The following FGF1 variants were observed in gnomAD, a reference collection of about 807,000 sequenced individuals.
The protein encoded by FGF1 is beta-endothelial cell growth factor.
Under a neutral mutation model 13.4 loss-of-function variants are expected in FGF1, and 9 were observed. The ratio of observed to expected loss-of-function variants is 0.67; its 90% CI spans 0.40 to 1.17. The LOEUF (loss-of-function observed/expected upper bound fraction) is 1.17. Ranked by LOEUF, FGF1 falls within the 50% of genes most tolerant of loss-of-function variation. FGF1 has a pLI of 0.01. For synonymous variants in FGF1, 93 were observed against 79.0 expected (o/e 1.18, Z -0.94); for missense variants, 156 against 192.7 (o/e 0.81, Z 1.13).
chr5:142,689,773 C>T (rs1008676729), upstream of FGF1, among the ~76,000 whole-genome samples: 1 of 145,658 alleles, frequency 6.9e-6, no homozygotes, highest in Admixed American at 7.0e-5. Flanking sequence ...GATCTCGGCT[C>T]ATGGAAGCTC....
chr5:142,629,841 A>T (rs1397381321), intron 1 of FGF1, among the ~76,000 whole-genome samples: 1 of 147,962 alleles, frequency 6.8e-6, no homozygotes, highest in Admixed American at 6.8e-5. Context: ...TTTGAAAAAT[A>T]CTGCATTAAA....
At chr5:142,686,915 T>A (rs1325039923), upstream of FGF1, among the ~76,000 whole-genome samples, 1 of 152,162 alleles carries the variant, frequency 6.6e-6, no homozygotes, top group Non-Finnish European at 1.5e-5. Flanking sequence ...CTCTTTAGAC[T>A]TCTGGCCAGG....
At chr5:142,613,171 C>T (rs1759442409) in intron 2 of FGF1, among the ~76,000 whole-genome samples, 2 of 152,226 alleles carry the variant, frequency 1.3e-5, no homozygotes, top group South Asian at 2.1e-4. Context: ...CAGATAACAT[C>T]ACGATAGGAC....
chr5:142,673,443 T>C (rs1771876593), intron 1 of FGF1, among the ~76,000 whole-genome samples: 1 of 152,262 alleles, frequency 6.6e-6, no homozygotes, highest in Non-Finnish European at 1.5e-5. Context: ...ATCTTCCTTG[T>C]GTTTGGAAAC....
chr5:142,625,405 C>T (rs887991047), intron 1 of FGF1, among the ~76,000 whole-genome samples: 2 of 152,008 alleles, frequency 1.3e-5, no homozygotes, highest in African/African-American at 4.8e-5. Flanking sequence ...TTTTTCCCTG[C>T]AGTCTGGCTT....
chr5:142,656,353 A>C (rs1768162958), intron 1 of FGF1, among the ~76,000 whole-genome samples: 1 of 152,070 alleles, frequency 6.6e-6, no homozygotes, highest in East Asian at 1.9e-4. Flanking sequence ...ATTAAAAAAA[A>C]AGCTGTTATT....
intron 1 of FGF1, among the ~76,000 whole-genome samples, chr5:142,666,181 G>T (rs1488269127): frequency 6.7e-6 from 1 of 148,648 alleles, no homozygotes; most frequent in Non-Finnish European, 1.5e-5. Flanking sequence ...TTATATTAGG[G>T]TGAAATCTGT....
intron 1 of FGF1, among the ~76,000 whole-genome samples, chr5:142,660,699 A>T (rs1478484242): frequency 1.3e-5 from 2 of 152,126 alleles, no homozygotes; most frequent in Non-Finnish European, 2.9e-5. Context: ...CAAGTTTTTA[A>T]TGCCAAAGAC....
At chr5:142,682,085 A>AT (rs371659888) in intron 1 of FGF1, among the ~76,000 whole-genome samples, 4,702 of 134,932 alleles carry the variant, frequency 0.035, 109 homozygotes, top group African/African-American at 0.065. Flanking sequence ...TTTCTCCTCT[A>AT]TTTTTTTTTT....
intron 1 of FGF1, among the ~76,000 whole-genome samples, chr5:142,651,397 G>C (rs1249595800): frequency 6.6e-6 from 1 of 152,120 alleles, no homozygotes; most frequent in Non-Finnish European, 1.5e-5. Context: ...GAGCAGAAAG[G>C]ACAGAGAATT....
intron 1 of FGF1, among the ~76,000 whole-genome samples, chr5:142,642,844 C>T (rs2151953606): frequency 6.6e-6 from 1 of 152,326 alleles, no homozygotes; most frequent in Admixed American, 6.5e-5. Context: ...ACAGACTCCA[C>T]TTGGAGCTGA....
intron 2 of FGF1, among the ~76,000 whole-genome samples, chr5:142,608,748 AG>A (rs1758384389): frequency 6.9e-6 from 1 of 145,692 alleles, no homozygotes; most frequent in African/African-American, 2.5e-5. Flanking sequence ...ATATATATAT[AG>A]TATATATACA....
At chr5:142,691,187 G>A (rs1350011028) in intron 2 of FGF1, among the ~76,000 whole-genome samples, 3 of 152,198 alleles carry the variant, frequency 2.0e-5, no homozygotes, top group African/African-American at 7.2e-5. Flanking sequence ...TTGGGAGGCC[G>A]ACGCGGGTGG....
intron 2 of FGF1, among the ~76,000 whole-genome samples, chr5:142,694,557 A>T (rs376559146): frequency 1.3e-5 from 2 of 152,288 alleles, no homozygotes; most frequent in East Asian, 3.9e-4. Context: ...CACCATCTCA[A>T]GATTTTGGTG....
chr5:142,625,032 T>G (rs1489694505), intron 1 of FGF1, among the ~76,000 whole-genome samples: 1 of 152,228 alleles, frequency 6.6e-6, no homozygotes. Context: ...ACTACCTCGC[T>G]AAAATTACCC....
chr5:142,595,186 G>A lies in FGF1; in HGVS notation c.*104C>T. On this transcript the variant is annotated 3_prime_UTR_variant, in exon 4 of 4. Transcript: ENST00000337706. ...TTGCTTACAAATTCAGGCTCTGTGG[G>A]CTGGGGGTTAGCGCAGCCAATGGTC... The A allele has an allele frequency of 3.3e-6, 3 of 903,478 alleles. No homozygotes were observed. The South Asian group carries it at 5.0e-5, about 15-fold the overall frequency. 56.0% of individuals were successfully genotyped at this position (903,478 alleles called of 1,614,324 possible).
chr5:142,689,552 G>A (rs1228871348), upstream of FGF1, among the ~76,000 whole-genome samples: 5 of 152,106 alleles, frequency 3.3e-5, no homozygotes, highest in Admixed American at 6.5e-5. Flanking sequence ...AATCATATGC[G>A]CTTGCCCGCC....
At chr5:142,685,413 G>A (rs926946734) in intron 1 of FGF1, 3 of 152,216 alleles carry the variant, frequency 2.0e-5, no homozygotes, top group South Asian at 2.1e-4. Flanking sequence ...CCCACCATGT[G>A]GACAGCTTTT....
intron 1 of FGF1, among the ~76,000 whole-genome samples, chr5:142,666,333 T>C (rs6881790): frequency 1 from 94,873 of 94,874 alleles, 47,436 homozygotes; most frequent in Middle Eastern, 1. Context: ...CTTAGCTTTT[T>C]AAAACTTGTT....
Sources: gnomAD v4.1 joint callset for allele counts (sites outside exome capture counted in the v4.1 genomes callset) on GRCh38, gnomAD v4.1.1 for gene constraint, MANE v1.5 for transcripts, NCBI Gene and HGNC (gene_info 2026-07-23, HGNC 2026-07-21) for gene names.